Variants in RABGAP1L observed in about 807,000 individuals in gnomAD.
The protein encoded by RABGAP1L is rab GTPase-activating protein 1-like.
A neutral mutation model predicts 137.7 loss-of-function variants in RABGAP1L; 63 were observed. The observed-to-expected ratio is 0.46, with a 90% CI of 0.37 to 0.56. The LOEUF (loss-of-function observed/expected upper bound fraction) is 0.56, where lower values mean the gene tolerates loss of function less well. Ranked by LOEUF, RABGAP1L falls within the 20% of genes least tolerant of loss-of-function variation. The probability of loss-of-function intolerance (pLI) is 0.00; values close to 1 mark genes in which losing one functional copy is unlikely to be tolerated. For missense variants in RABGAP1L, 1,095 were observed against 1,244.0 expected (o/e 0.88, Z 1.80); for synonymous variants, 431 against 433.7 (o/e 0.99, Z 0.08).
chr1:174,513,579 C>T (rs1662543895), intron 13 of RABGAP1L, among the ~76,000 whole-genome samples: 1 of 152,150 alleles, frequency 6.6e-6, no homozygotes, highest in Admixed American at 6.6e-5. Context: ...CACCACTGCA[C>T]TACAGCCTAG....
intron 4 of RABGAP1L, among the ~76,000 whole-genome samples, chr1:174,234,294 T>G (rs1408443534): frequency 4.9e-5 from 6 of 122,902 alleles, no homozygotes; most frequent in African/African-American, 8.4e-5. Context: ...GTCAATTTTG[T>G]CTTTTGTTGC....
At chr1:174,233,933 T>C (rs1361781888) in intron 4 of RABGAP1L, among the ~76,000 whole-genome samples, 1 of 128,358 alleles carries the variant, frequency 7.8e-6, no homozygotes, top group Non-Finnish European at 1.5e-5. Flanking sequence ...ACCTGTTGTT[T>C]CCTGACTTTT....
chr1:174,545,152 G>A (rs1311057972), intron 13 of RABGAP1L: 3 of 152,456 alleles, frequency 2.0e-5, no homozygotes, highest in Admixed American at 2.0e-4. Flanking sequence ...GGACATTTAA[G>A]TCTGCAGAAG....
At chr1:174,436,070 G>C (rs1178894150) in intron 13 of RABGAP1L, among the ~76,000 whole-genome samples, 1 of 152,092 alleles carries the variant, frequency 6.6e-6, no homozygotes, top group African/African-American at 2.4e-5. Context: ...GGACATTTGG[G>C]TTGGTTCCAA....
At chr1:174,673,539 A>G (rs2148452868) in intron 14 of RABGAP1L, among the ~76,000 whole-genome samples, 1 of 152,322 alleles carries the variant, frequency 6.6e-6, no homozygotes, top group African/African-American at 2.4e-5. Context: ...TTTGATTATT[A>G]ATTTCTGCTA....
intron 23 of RABGAP1L, among the ~76,000 whole-genome samples, chr1:174,979,204 AAG>A (rs1405368413): frequency 2.8e-4 from 42 of 152,172 alleles, no homozygotes; most frequent in Non-Finnish European, 1.3e-4. Context: ...AAAAATAAAA[AAG>A]TAATTATTTT....
Position 174,278,505 on chromosome 1 carries a change from G to T in RABGAP1L, c.1157-108G>T, listed in dbSNP as rs551262173. Reference sequence around the variant, plus strand: ...GAACAGTTAAAAATAAACATAGAAGGTATTACAATTGTAAAGAACTTTAAT... The same window carrying T: ...GAACAGTTAAAAATAAACATAGAAGTTATTACAATTGTAAAGAACTTTAAT... On this transcript the variant is annotated intron_variant, in intron 9 of 25. Transcript: ENST00000681986. 1.6e-5 allele frequency: 13 copies of T among 787,924 alleles called. No individual in the cohort carries two copies. In the East Asian group the frequency reaches 2.4e-4, roughly 14 times the overall value. 48.8% of individuals were successfully genotyped at this position (787,924 alleles called of 1,614,324 possible).
At chr1:174,800,314 G>C in intron 18 of RABGAP1L, 1 of 1,544,916 alleles carries the variant, frequency 6.5e-7, no homozygotes. Context: ...TTCTCATTCT[G>C]GATACCTACT....
chr1:174,581,637 C>T (rs917280294), intron 13 of RABGAP1L, among the ~76,000 whole-genome samples: 2 of 152,090 alleles, frequency 1.3e-5, no homozygotes, highest in Non-Finnish European at 2.9e-5. Flanking sequence ...AAATATACAA[C>T]TCTGAATATG....
intron 13 of RABGAP1L, among the ~76,000 whole-genome samples, chr1:174,405,989 A>AC (rs1649221663): frequency 6.6e-6 from 1 of 152,108 alleles, no homozygotes; most frequent in Admixed American, 6.6e-5. Context: ...AAAAAATAAA[A>AC]GAAAAAAAGA....
chr1:174,767,968 C>T (rs967091569), intron 18 of RABGAP1L, among the ~76,000 whole-genome samples: 4 of 152,152 alleles, frequency 2.6e-5, no homozygotes, highest in African/African-American at 9.7e-5. Flanking sequence ...GAGACTTATT[C>T]ACTACCACAA....
At chr1:174,374,015 G>C (rs990317766) in intron 12 of RABGAP1L, among the ~76,000 whole-genome samples, 2 of 152,046 alleles carry the variant, frequency 1.3e-5, no homozygotes, top group African/African-American at 4.8e-5. Flanking sequence ...TATTTATTAG[G>C]AGCACTGATA....
chr1:174,178,415 A>G (rs1666066083), intron 1 of RABGAP1L, among the ~76,000 whole-genome samples: 1 of 152,188 alleles, frequency 6.6e-6, no homozygotes, highest in South Asian at 2.1e-4. Context: ...ATTGTGGAAG[A>G]CAGTGTGTCA....
chr1:174,620,518 C>G (rs1672350527), intron 13 of RABGAP1L, among the ~76,000 whole-genome samples: 1 of 152,170 alleles, frequency 6.6e-6, no homozygotes, highest in Non-Finnish European at 1.5e-5. Context: ...ACTGAACAAC[C>G]TGCTCCTGAA....
intron 1 of RABGAP1L, among the ~76,000 whole-genome samples, chr1:174,204,718 G>T (rs1477026456): frequency 6.6e-6 from 1 of 152,160 alleles, no homozygotes; most frequent in Non-Finnish European, 1.5e-5. Flanking sequence ...CTGGTGGGAG[G>T]TGATTGGATC....
At chr1:174,815,733 A>C (rs1324674292) in intron 19 of RABGAP1L, among the ~76,000 whole-genome samples, 1 of 152,224 alleles carries the variant, frequency 6.6e-6, no homozygotes, top group African/African-American at 2.4e-5. Context: ...CAAAACTTGT[A>C]TGACATTAAA....
At chr1:174,312,782 G>A (rs1237266344) in intron 11 of RABGAP1L, among the ~76,000 whole-genome samples, 1 of 152,134 alleles carries the variant, frequency 6.6e-6, no homozygotes, top group African/African-American at 2.4e-5. Flanking sequence ...TTTGTATATG[G>A]TGAGAGGGGA....
chr1:174,311,452 A>G (rs1678842821), intron 11 of RABGAP1L, among the ~76,000 whole-genome samples: 3 of 152,118 alleles, frequency 2.0e-5, no homozygotes, highest in Admixed American at 2.0e-4. Flanking sequence ...CCGTATCATC[A>G]TCCTTCTACT....
chr1:174,783,257 T>C (rs985052371), intron 18 of RABGAP1L, among the ~76,000 whole-genome samples: 16 of 152,180 alleles, frequency 1.1e-4, no homozygotes, highest in Non-Finnish European at 2.1e-4. Flanking sequence ...CAAACACTAG[T>C]CGCTGGGTTC....
Sources: gnomAD v4.1 joint callset for allele counts (sites outside exome capture counted in the v4.1 genomes callset) on GRCh38, gnomAD v4.1.1 for gene constraint, MANE v1.5 for transcripts, NCBI Gene and HGNC (gene_info 2026-07-23, HGNC 2026-07-21) for gene names.